The following RSPRY1 variants were observed in gnomAD, a reference collection of about 807,000 sequenced individuals.
RSPRY1 encodes the protein ring finger and SPRY domain containing 1.
Under a neutral mutation model 73.1 loss-of-function variants are expected in RSPRY1, and 23 were observed. That is an observed-to-expected ratio of 0.31 (90% confidence interval 0.23 to 0.45). The LOEUF is 0.45. RSPRY1 is among the 20% of genes least tolerant of loss of function. The pLI is 1.00. For missense variants in RSPRY1, 448 were observed against 698.7 expected (o/e 0.64, Z 4.05); for synonymous variants, 226 against 251.4 (o/e 0.90, Z 0.95).
chr16:57,236,709 G>A (rs2075304423), intron 14 of RSPRY1, among the ~76,000 whole-genome samples: 1 of 152,086 alleles, frequency 6.6e-6, no homozygotes. Context: ...AAACCACAAT[G>A]TTATTTTTAG....
At chr16:57,199,124 T>C (rs2074508391) in intron 1 of RSPRY1, among the ~76,000 whole-genome samples, 1 of 152,234 alleles carries the variant, frequency 6.6e-6, no homozygotes, top group East Asian at 1.9e-4. Context: ...TAGTTACATA[T>C]ATACTGATAT....
chr16:57,201,321 C>T (rs1318507106), intron 1 of RSPRY1, among the ~76,000 whole-genome samples: 9 of 142,254 alleles, frequency 6.3e-5, no homozygotes, highest in Non-Finnish European at 8.9e-5. Context: ...ACTTCTCAGA[C>T]GGGGCGGCCG....
At position 57,193,505 on chromosome 16, in the gene RSPRY1, T is replaced by A. The variant is rs536942261; in HGVS notation, c.-156+7054T>A. ...TGTTCTGCAGGCTTTTTTTTTTTTTTCTTTGGAGACAGAGTCTTGCTCTGT... is the reference window on the plus strand; with the variant it reads ...TGTTCTGCAGGCTTTTTTTTTTTTTACTTTGGAGACAGAGTCTTGCTCTGT... On this transcript the variant is annotated intron_variant, in intron 1 of 14. Transcript: ENST00000394420. Among the ~76,000 whole-genome samples the A allele has an allele frequency of 7.5e-3, 1,068 of 142,512 alleles. 10 individuals carry two copies. The highest frequency in any genetic ancestry group is 0.026 in the African/African-American group (1,028 of 39,580). The allele number at this position is 142,512 out of a possible 152,430, so 93.5% of individuals were successfully genotyped here.
chr16:57,191,187 GT>G (rs1350961379), intron 1 of RSPRY1, among the ~76,000 whole-genome samples: 1 of 152,086 alleles, frequency 6.6e-6, no homozygotes, highest in African/African-American at 2.4e-5. Flanking sequence ...CTGAAGAATT[GT>G]TTTCGCTCTT....
intron 13 of RSPRY1, 105 bp from the exon 14 acceptor site, chr16:57,235,019 G>A (rs75638803): frequency 0.014 from 10,022 of 731,754 alleles, 81 homozygotes; most frequent in Non-Finnish European, 0.019. Context: ...AAAGTTTAAG[G>A]AATATATGTC....
At chr16:57,230,379 G>T (rs1205454954) in intron 11 of RSPRY1, among the ~76,000 whole-genome samples, 1 of 152,194 alleles carries the variant, frequency 6.6e-6, no homozygotes, top group Non-Finnish European at 1.5e-5. Flanking sequence ...AATCTCACCA[G>T]AGAGGCAAGT....
chr16:57,186,889 A>T (rs2074211670), intron 1 of RSPRY1: 1 of 152,258 alleles, frequency 6.6e-6, no homozygotes, highest in Non-Finnish European at 1.5e-5. Context: ...GGGACGCTTT[A>T]GGAGGGTTCT....
At chr16:57,211,087 T>C (rs958518279) in intron 4 of RSPRY1, among the ~76,000 whole-genome samples, 6 of 152,204 alleles carry the variant, frequency 3.9e-5, no homozygotes, top group Admixed American at 6.5e-5. Flanking sequence ...CTTATCTTTC[T>C]CTAAGCAATT....
chr16:57,218,252 G>C lies in RSPRY1; in HGVS notation c.901+1217G>C, dbSNP rs541615326. 7.9e-5 allele frequency among the ~76,000 whole-genome samples: 12 copies of C among 152,260 alleles called. No homozygotes were observed. In the South Asian group the frequency reaches 2.5e-3, roughly 32 times the overall value. On this transcript the variant is annotated intron_variant, in intron 8 of 14. Coordinates refer to ENST00000394420, the MANE Select transcript of RSPRY1 (RefSeq NM_133368.3). ...CATACAATGAGTAATTACCACATCA[G>C]AGTAAATGGGATATCTGTCCCCTCA...
intron 2 of RSPRY1, among the ~76,000 whole-genome samples, chr16:57,207,037 G>T (rs768052064): frequency 6.6e-6 from 1 of 152,196 alleles, no homozygotes. Context: ...TTCATCTGGT[G>T]ATGGTCACTT....
At chr16:57,236,285 A>G (rs549068024) in intron 14 of RSPRY1, among the ~76,000 whole-genome samples, 1 of 152,348 alleles carries the variant, frequency 6.6e-6, no homozygotes, top group South Asian at 2.1e-4. Context: ...GGTCTTGCAC[A>G]TAATACAAGG....
chr16:57,238,987 A>G lies in RSPRY1; in HGVS notation c.*12A>G. 6.9e-7 allele frequency: 1 copy of G among 1,459,742 alleles called. No homozygotes were observed. The highest frequency in any genetic ancestry group is 9.5e-7 in the Non-Finnish European group (1 of 1,052,602). 90.4% of individuals were successfully genotyped at this position (1,459,742 alleles called of 1,614,324 possible). On this transcript the variant is annotated 3_prime_UTR_variant, in exon 15 of 15. Coordinates refer to ENST00000394420, the MANE Select transcript of RSPRY1 (RefSeq NM_133368.3). ...CTCATATTTCATGACACATGTGAAG[A>G]GGCATCGTGGACTTTTTTCTACTCA...
chr16:57,238,804 G>A, intron 14 of RSPRY1, 75 bp from the exon 15 acceptor site: 1 of 714,782 alleles, frequency 1.4e-6, no homozygotes. Context: ...TAACATTTTT[G>A]ATTTAGTTGG....
At chr16:57,197,847 CTGAG>C (rs1248500849) in intron 1 of RSPRY1, among the ~76,000 whole-genome samples, 2 of 152,090 alleles carry the variant, frequency 1.3e-5, no homozygotes, top group Admixed American at 6.5e-5. Context: ...CCTCAACCTC[CTGAG>C]TATCTGGGAC....
At chr16:57,193,057 G>A (rs1426857668) in intron 1 of RSPRY1, among the ~76,000 whole-genome samples, 2 of 152,100 alleles carry the variant, frequency 1.3e-5, no homozygotes, top group African/African-American at 4.8e-5. Context: ...ACTTTCAAAG[G>A]TGTGCTTTCT....
At chr16:57,198,718 T>C (rs2074500911) in intron 1 of RSPRY1, among the ~76,000 whole-genome samples, 1 of 152,248 alleles carries the variant, frequency 6.6e-6, no homozygotes, top group Non-Finnish European at 1.5e-5. Flanking sequence ...TTATTTTTAG[T>C]ACGTGATTAG....
rs551755861 is a variant in RSPRY1 at position 57,210,571 on chromosome 16, G to A, written c.516+1384G>A. Among the ~76,000 whole-genome samples the A allele has an allele frequency of 1.4e-4, 22 of 152,090 alleles. No individual in the cohort carries two copies. The East Asian group carries it at 2.3e-3, about 16-fold the overall frequency. On this transcript the variant is annotated intron_variant, in intron 4 of 14. Coordinates refer to ENST00000394420, the MANE Select transcript of RSPRY1 (RefSeq NM_133368.3). ...ACCCCGTCTCTACTAAAAATCAGCC[G>A]GGAGTGGTGGCAGGCACCTGTAATC...
chr16:57,201,635 C>A (rs867347211), intron 1 of RSPRY1, among the ~76,000 whole-genome samples: 1 of 152,190 alleles, frequency 6.6e-6, no homozygotes, highest in African/African-American at 2.4e-5. Context: ...TGTATCGAGC[C>A]GAGATCACGC....
At chr16:57,189,624 T>C (rs1418237302) in intron 1 of RSPRY1, among the ~76,000 whole-genome samples, 1 of 141,822 alleles carries the variant, frequency 7.1e-6, no homozygotes, top group African/African-American at 2.6e-5. Flanking sequence ...CAGGGTCTCA[T>C]GCTGTCTCTC....
Sources: allele counts gnomAD v4.1 joint callset (sites outside exome capture counted in the v4.1 genomes callset), GRCh38; gene constraint gnomAD v4.1.1; transcripts MANE v1.5; gene names NCBI Gene and HGNC (gene_info 2026-07-23, HGNC 2026-07-21).